RUNX1T1: variants seen among roughly 807,000 people sequenced by gnomAD.
RUNX1T1 encodes the protein RUNX1 partner transcriptional co-repressor 1, also known as protein CBFA2T1.
Under a neutral mutation model 62.8 loss-of-function variants are expected in RUNX1T1, and 4 were observed. The ratio of observed to expected loss-of-function variants is 0.06; its 90% CI spans 0.03 to 0.15. The LOEUF (loss-of-function observed/expected upper bound fraction) is 0.15, where lower values mean the gene tolerates loss of function less well. Among genes scored for constraint, RUNX1T1 ranks in the 10% least tolerant of loss-of-function variants. RUNX1T1 has a pLI of 1.00. For missense variants in RUNX1T1, 508 were observed against 754.3 expected, an observed-to-expected ratio of 0.67 and a Z score of 3.82; for synonymous variants, 291 against 286.0, an observed-to-expected ratio of 1.02 and a Z score of -0.18.
chr8:92,034,762 A>ATATATACACACG lies in RUNX1T1; in HGVS notation c.8-17400_8-17399insCGTGTGTATATA, dbSNP rs773233617. On this transcript the variant is annotated intron_variant, in intron 1 of 10. Transcript: ENST00000396218. ...TATATATACACATATATATACACAC[A>ATATATACACACG]TATACATATATATACACATATATAT... 5.1e-4 allele frequency among the ~76,000 whole-genome samples: 53 copies of ATATATACACACG among 103,944 alleles called. 1 individual carries two copies. The highest frequency in any genetic ancestry group is 8.4e-4 in the South Asian group (3 of 3,560). 68.2% of individuals were successfully genotyped at this position (103,944 alleles called of 152,430 possible). A position where few individuals can be genotyped will look rare whatever the true frequency, so the allele number is the denominator to read the frequency against.
intron 1 of RUNX1T1, among the ~76,000 whole-genome samples, chr8:92,041,139 T>C (rs1828363255): frequency 6.6e-6 from 1 of 152,174 alleles, no homozygotes; most frequent in Admixed American, 6.5e-5. Context: ...ATCTTATTCA[T>C]ATTACCATTT....
At chr8:92,031,937 C>T (rs898823484) in intron 1 of RUNX1T1, among the ~76,000 whole-genome samples, 9 of 151,348 alleles carry the variant, frequency 5.9e-5, no homozygotes, top group Non-Finnish European at 1.0e-4. Flanking sequence ...ACTAAAAATA[C>T]AAAATAATTA....
At chr8:92,066,054 A>G (rs1832828218), upstream of RUNX1T1, among the ~76,000 whole-genome samples, 1 of 152,222 alleles carries the variant, frequency 6.6e-6, no homozygotes, top group Admixed American at 6.5e-5. Flanking sequence ...GGCTGCATTA[A>G]CAAAGTGAAA....
chr8:91,956,348 C>T (rs1252284329), downstream of RUNX1T1: 5 of 230,598 alleles, frequency 2.2e-5, no homozygotes, highest in Non-Finnish European at 4.3e-5. Context: ...ACTCAACACG[C>T]ATGGATAAGC....
At chr8:92,016,738 T>C (rs1209524490) in intron 2 of RUNX1T1, among the ~76,000 whole-genome samples, 1 of 152,220 alleles carries the variant, frequency 6.6e-6, no homozygotes, top group Admixed American at 6.5e-5. Context: ...TTCTGTATGA[T>C]ATTGTTGCAT....
chr8:92,099,642 C>T (rs2130951822), exon 1 of RUNX1T1: 1 of 985,394 alleles, frequency 1.0e-6, no homozygotes, highest in Non-Finnish European at 1.2e-6. Flanking sequence ...CCTGCAGGTG[C>T]CAATTTTTCA....
intron 6 of RUNX1T1, among the ~76,000 whole-genome samples, chr8:91,990,033 CTCTT>C (rs1024738245): frequency 2.0e-5 from 3 of 152,192 alleles, no homozygotes; most frequent in Non-Finnish European, 2.9e-5. Flanking sequence ...CACCCTGACT[CTCTT>C]TCTGCTTTCT....
intron 5 of RUNX1T1, among the ~76,000 whole-genome samples, chr8:91,997,236 G>C (rs1291833424): frequency 1.3e-5 from 2 of 152,112 alleles, no homozygotes; most frequent in East Asian, 3.9e-4. Context: ...ATATAAAACA[G>C]TGTATAACAT....
intron 9 of RUNX1T1, among the ~76,000 whole-genome samples, chr8:91,973,957 T>G (rs148605797): frequency 1.3e-5 from 2 of 152,160 alleles, no homozygotes; most frequent in African/African-American, 4.8e-5. Context: ...TATTTTAGAT[T>G]GAAAACCTAC....
At chr8:91,977,356 G>A (rs1163569219) in intron 8 of RUNX1T1, 1 of 193,714 alleles carries the variant, frequency 5.2e-6, no homozygotes, top group Non-Finnish European at 1.1e-5. Flanking sequence ...GGATGGACTG[G>A]AAATATCTAT....
At chr8:92,082,904 G>A (rs1296089641) in intron 1 of RUNX1T1, among the ~76,000 whole-genome samples, 1 of 143,666 alleles carries the variant, frequency 7.0e-6, no homozygotes, top group Non-Finnish European at 1.5e-5. Context: ...GGGAGAGAAG[G>A]AGGAGGGAGA....
At chr8:92,052,119 C>T (rs1830342071) in intron 1 of RUNX1T1, among the ~76,000 whole-genome samples, 2 of 152,142 alleles carry the variant, frequency 1.3e-5, no homozygotes, top group Non-Finnish European at 2.9e-5. Context: ...ATATGGGAGA[C>T]ATCAGAAATA....
intron 8 of RUNX1T1, among the ~76,000 whole-genome samples, chr8:91,981,667 G>A (rs191432710): frequency 2.6e-3 from 392 of 151,476 alleles, no homozygotes; most frequent in African/African-American, 8.9e-3. Context: ...TGCCCGCCTC[G>A]GCCTCCCCAA....
chr8:92,006,369 T>A (rs1185264645), intron 4 of RUNX1T1: 1 of 152,102 alleles, frequency 6.6e-6, no homozygotes, highest in East Asian at 1.9e-4. Flanking sequence ...CCAGGAAAGA[T>A]CAATCACATA....
intron 7 of RUNX1T1, 109 bp from the exon 9 acceptor site, chr8:91,986,434 C>T (rs1816580597): frequency 1.2e-6 from 1 of 816,528 alleles, no homozygotes; most frequent in African/African-American, 1.7e-5. Context: ...GCAATTTTAT[C>T]CCTGAAGGTT....
At chr8:92,091,629 G>T (rs1325886213) in intron 1 of RUNX1T1, among the ~76,000 whole-genome samples, 2 of 152,164 alleles carry the variant, frequency 1.3e-5, no homozygotes, top group African/African-American at 4.8e-5. Context: ...TTTGTACACT[G>T]ATATGTGATT....
rs139698282 is a variant in RUNX1T1, at chr8:92,005,081, G to C, written c.659+35C>G. 8 of 1,550,828 alleles carry C rather than the reference G, an allele frequency of 5.2e-6. No homozygotes were observed. In the African/African-American group the frequency reaches 1.1e-4, roughly 21 times the overall value. On this transcript the variant is annotated intron_variant, in intron 5 of 10. Coordinates refer to ENST00000396218, the Ensembl canonical transcript of RUNX1T1. Reference sequence around the variant, plus strand: ...CCTCATGCCACAGGTATGGGAAAAAGGTCATGGTTCATCCAGGCTCCTCCT... The same window carrying C: ...CCTCATGCCACAGGTATGGGAAAAACGTCATGGTTCATCCAGGCTCCTCCT...
At chr8:92,084,027 C>G (rs1835696236) in intron 1 of RUNX1T1, among the ~76,000 whole-genome samples, 2 of 152,180 alleles carry the variant, frequency 1.3e-5, no homozygotes, top group South Asian at 2.1e-4. Flanking sequence ...CATGTTCTCA[C>G]TCATAAGTGG....
At chr8:92,086,831 T>A (rs1247910842) in intron 1 of RUNX1T1, among the ~76,000 whole-genome samples, 1 of 152,186 alleles carries the variant, frequency 6.6e-6, no homozygotes, top group Non-Finnish European at 1.5e-5. Flanking sequence ...CCCTGCCTCT[T>A]CCTTCTCATC....
Sources: gnomAD v4.1 joint callset for allele counts (sites outside exome capture counted in the v4.1 genomes callset) on GRCh38, gnomAD v4.1.1 for gene constraint, MANE v1.5 for transcripts, NCBI Gene and HGNC (gene_info 2026-07-23, HGNC 2026-07-21) for gene names.